The following HPSE2 variants were observed in gnomAD, a reference collection of about 807,000 sequenced individuals.
The protein encoded by HPSE2 is heparanase 2 (inactive).
In HPSE2, 38 loss-of-function variants were observed where a neutral mutation model predicts 60.5. The observed-to-expected ratio is 0.63, with a 90% CI of 0.48 to 0.82. The LOEUF is 0.82. HPSE2 is among the 40% of genes least tolerant of loss of function. The pLI is 0.00. For synonymous variants in HPSE2, 295 were observed against 293.2 expected, an observed-to-expected ratio of 1.01 and a Z score of -0.06; for missense variants, 713 against 740.4, an observed-to-expected ratio of 0.96 and a Z score of 0.43.
chr10:99,209,730 C>T (rs1259449068), intron 2 of HPSE2, among the ~76,000 whole-genome samples: 1 of 152,212 alleles, frequency 6.6e-6, no homozygotes, highest in East Asian at 1.9e-4. Context: ...CGCTCTGTCA[C>T]CCAGGCTGGA....
chr10:99,225,314 C>T (rs1849436274), intron 2 of HPSE2, among the ~76,000 whole-genome samples: 1 of 151,972 alleles, frequency 6.6e-6, no homozygotes, highest in African/African-American at 2.4e-5. Flanking sequence ...GCTGCTGCTG[C>T]TGAAGTAACA....
chr10:98,620,617 T>C lies in HPSE2; in HGVS notation c.1190A>G (p.Tyr397Cys). ...AGGTNNLSDSYAAGFLWLNTL... is the reference protein window; with the variant it reads ...AGGTNNLSDSCAAGFLWLNTL... ...TGTTACTCACAAGAATCCTGCAGCA[T>C]AGGAATCGGATAGATTGTTTGTGCC... Residue 397 changes from tyrosine to cysteine, a missense_variant, in exon 8 of 12, where the codon TAT becomes TGT. Physicochemically the swap from Tyr to Cys is radical, Grantham distance 194 (BLOSUM62 -2). Coordinates refer to ENST00000370552, the MANE Select transcript of HPSE2 (RefSeq NM_021828.5). The C allele has an allele frequency of 2.5e-6, 4 of 1,613,878 alleles. No homozygotes were observed. Among genetic ancestry groups the C allele is most frequent in the Non-Finnish European group, 3.4e-6 (4 of 1,179,778 alleles).
At chr10:98,664,280 C>T (rs936531822) in intron 6 of HPSE2, among the ~76,000 whole-genome samples, 2 of 152,100 alleles carry the variant, frequency 1.3e-5, no homozygotes, top group African/African-American at 4.8e-5. Flanking sequence ...TGATTCCACC[C>T]ACCCCCACTG....
chr10:99,265,772 G>T, the HPSE2 span, among the ~76,000 whole-genome samples: 1 of 152,202 alleles, frequency 6.6e-6, no homozygotes, highest in African/African-American at 2.4e-5. Flanking sequence ...GAAGTGGATT[G>T]CTCCTGCAGG....
At chr10:99,133,051 G>A (rs1458765683) in intron 3 of HPSE2, among the ~76,000 whole-genome samples, 1 of 152,214 alleles carries the variant, frequency 6.6e-6, no homozygotes, top group Non-Finnish European at 1.5e-5. Flanking sequence ...CATGAGCTTG[G>A]TGAGGTGAGG....
chr10:99,259,969 C>G, the HPSE2 span, among the ~76,000 whole-genome samples: 3 of 152,170 alleles, frequency 2.0e-5, no homozygotes, highest in Admixed American at 1.3e-4. Flanking sequence ...TCAACCCTTC[C>G]CCCGTAGAAA....
chr10:98,492,293 G>T lies in HPSE2; in HGVS notation c.1321-2097C>A, dbSNP rs2147899. Among the ~76,000 whole-genome samples the T allele has an allele frequency of 2.9e-3, 439 of 152,044 alleles. 4 individuals are homozygous for T. Among genetic ancestry groups the T allele is most frequent in the Non-Finnish European group, 4.8e-3 (327 of 67,988 alleles). Reference sequence around the variant, plus strand: ...CGAGGTGGGCAGATCACGAGGTCAGGAGATCGAGACCATCCTGGCTAACAC... The same window carrying T: ...CGAGGTGGGCAGATCACGAGGTCAGTAGATCGAGACCATCCTGGCTAACAC... On this transcript the variant is annotated intron_variant, in intron 9 of 11. Coordinates refer to ENST00000370552, the MANE Select transcript of HPSE2 (RefSeq NM_021828.5).
intron 3 of HPSE2, among the ~76,000 whole-genome samples, chr10:99,123,078 T>C (rs1845022164): frequency 6.6e-6 from 1 of 152,060 alleles, no homozygotes; most frequent in Non-Finnish European, 1.5e-5. Context: ...TGGAAGAAAA[T>C]GTTATATACT....
chr10:98,498,836 C>G (rs1164204705), intron 9 of HPSE2, among the ~76,000 whole-genome samples: 2 of 152,138 alleles, frequency 1.3e-5, no homozygotes, highest in Non-Finnish European at 2.9e-5. Flanking sequence ...ATTGGACACA[C>G]TTATAGAATT....
chr10:98,775,405 C>G (rs543557856), intron 3 of HPSE2, among the ~76,000 whole-genome samples: 5 of 152,152 alleles, frequency 3.3e-5, no homozygotes, highest in African/African-American at 4.8e-5. Context: ...CGAAGGGTAC[C>G]AGGATGAAAC....
chr10:99,127,751 A>G (rs906692589), intron 3 of HPSE2, among the ~76,000 whole-genome samples: 4 of 152,238 alleles, frequency 2.6e-5, no homozygotes, highest in African/African-American at 4.8e-5. Flanking sequence ...AGACAAAAGC[A>G]TCAGGTAAAC....
intron 3 of HPSE2, among the ~76,000 whole-genome samples, chr10:99,028,679 C>A (rs1339922198): frequency 6.6e-6 from 1 of 152,152 alleles, no homozygotes; most frequent in Non-Finnish European, 1.5e-5. Flanking sequence ...ATAGGCAAAG[C>A]TATCCTAAGC....
intron 10 of HPSE2, 76 bp from the exon 11 acceptor site, chr10:98,482,858 C>T: frequency 6.6e-7 from 1 of 1,507,390 alleles, no homozygotes. Flanking sequence ...AATTTATAGA[C>T]TGTACAAAAT....
At position 98,940,419 on chromosome 10, in the gene HPSE2, G is replaced by C. The variant is rs1173926397; in HGVS notation, c.611-196363C>G. Among the ~76,000 whole-genome samples, 103 of 143,588 alleles carry C rather than the reference G, an allele frequency of 7.2e-4. 4 individuals carry two copies. The highest frequency in any genetic ancestry group is 2.8e-4 in the African/African-American group (10 of 35,336). The allele number at this position is 143,588 out of a possible 152,430, so 94.2% of individuals were successfully genotyped here. A position where few individuals can be genotyped will look rare whatever the true frequency, so the allele number is the denominator to read the frequency against. ...AGGGGATATCACCACCGATCCCACAGAAATACAAACTACCATCAGAGAATA... is the reference window on the plus strand; with the variant it reads ...AGGGGATATCACCACCGATCCCACACAAATACAAACTACCATCAGAGAATA... On this transcript the variant is annotated intron_variant, in intron 3 of 11. Transcript: ENST00000370552.
chr10:98,772,701 A>G (rs540334851), intron 3 of HPSE2, among the ~76,000 whole-genome samples: 1 of 152,344 alleles, frequency 6.6e-6, no homozygotes, highest in African/African-American at 2.4e-5. Flanking sequence ...TTAGATGCCT[A>G]TTACTTATTG....
intron 3 of HPSE2, among the ~76,000 whole-genome samples, chr10:98,819,657 G>A (rs1951378477): frequency 1.3e-5 from 2 of 152,020 alleles, no homozygotes; most frequent in Admixed American, 1.3e-4. Flanking sequence ...CTTTTTAAAA[G>A]AGCTTTTTGA....
At chr10:98,508,460 C>T (rs1889975) in intron 9 of HPSE2, among the ~76,000 whole-genome samples, 139,520 of 152,236 alleles carry the variant, frequency 0.92, 65,069 homozygotes, top group East Asian at 1. Context: ...GTAGAGTGCC[C>T]GGCTATAGGA....
intron 9 of HPSE2, among the ~76,000 whole-genome samples, chr10:98,527,838 T>C (rs1453993703): frequency 6.6e-6 from 1 of 152,186 alleles, no homozygotes; most frequent in South Asian, 2.1e-4. Flanking sequence ...GGGCCACTGC[T>C]GTGCCCAGCA....
At chr10:99,030,010 G>T (rs1277961454) in intron 3 of HPSE2, among the ~76,000 whole-genome samples, 1 of 152,190 alleles carries the variant, frequency 6.6e-6, no homozygotes, top group Non-Finnish European at 1.5e-5. Flanking sequence ...AGCCCTTCTG[G>T]TGGCCCTGTC....
Sources: allele counts gnomAD v4.1 joint callset (sites outside exome capture counted in the v4.1 genomes callset), GRCh38; gene constraint gnomAD v4.1.1; transcripts MANE v1.5; gene names NCBI Gene and HGNC (gene_info 2026-07-23, HGNC 2026-07-21).